TBC1D2: variants seen among roughly 807,000 people sequenced by gnomAD.
TBC1D2 encodes TBC1 domain family member 2, also known as TBC1 domain family member 2A.
Under a neutral mutation model 91.1 loss-of-function variants are expected in TBC1D2, and 58 were observed. The ratio of observed to expected loss-of-function variants is 0.64; its 90% CI spans 0.52 to 0.79. The LOEUF is 0.79. Among genes scored for constraint, TBC1D2 ranks in the 30% least tolerant of loss-of-function variants. The probability of loss-of-function intolerance (pLI) is 0.00; values close to 1 mark genes in which losing one functional copy is unlikely to be tolerated. For missense variants in TBC1D2, 1,080 were observed against 1,208.3 expected (o/e 0.89, Z 1.57); for synonymous variants, 482 against 511.5 (o/e 0.94, Z 0.78).
intron 2 of TBC1D2, among the ~76,000 whole-genome samples, chr9:98,251,111 C>T (rs1829864953): frequency 6.6e-6 from 1 of 151,892 alleles, no homozygotes; most frequent in Admixed American, 6.6e-5. Context: ...ATGGTGAAAC[C>T]CCATCTCTAC....
chr9:98,242,932 C>T (rs1829681750), intron 3 of TBC1D2, among the ~76,000 whole-genome samples: 1 of 149,728 alleles, frequency 6.7e-6, no homozygotes, highest in Non-Finnish European at 1.5e-5. Flanking sequence ...GCACATGCCA[C>T]TATGCCTGGC....
At chr9:98,236,129 T>C (rs953470732) in intron 3 of TBC1D2, among the ~76,000 whole-genome samples, 1 of 152,106 alleles carries the variant, frequency 6.6e-6, no homozygotes, top group Admixed American at 6.6e-5. Context: ...TTAAACTGTA[T>C]AGAGCTTTTT....
intron 4 of TBC1D2, 159 bp from the exon 5 acceptor site, chr9:98,229,307 A>G: frequency 3.1e-6 from 2 of 651,660 alleles, no homozygotes; most frequent in East Asian, 5.5e-5. Context: ...GGGCTTGAGA[A>G]TATGCACTTC....
chr9:98,216,027 G>A (rs538402008), intron 6 of TBC1D2, among the ~76,000 whole-genome samples: 14 of 152,268 alleles, frequency 9.2e-5, no homozygotes, highest in Admixed American at 2.0e-4. Flanking sequence ...GCCATGTACC[G>A]GCACCGCCTG....
At chr9:98,230,913 G>C (rs1829352081) in intron 4 of TBC1D2, among the ~76,000 whole-genome samples, 1 of 152,196 alleles carries the variant, frequency 6.6e-6, no homozygotes, top group African/African-American at 2.4e-5. Flanking sequence ...GTGCCTTGCT[G>C]AGTGCAAAAC....
intron 8 of TBC1D2, 103 bp downstream of exon 8, chr9:98,210,553 G>T: frequency 8.9e-7 from 1 of 1,120,712 alleles, no homozygotes; most frequent in Non-Finnish European, 1.2e-6. Context: ...AGGAGGTAGT[G>T]CTGTGTAGGA....
At chr9:98,235,571 A>G in intron 3 of TBC1D2, 1 of 456,318 alleles carries the variant, frequency 2.2e-6, no homozygotes, top group Non-Finnish European at 4.3e-6. Flanking sequence ...AAGCTGAAGC[A>G]TCTCCTGAAG....
chr9:98,236,578 T>C (rs1344361868), intron 3 of TBC1D2, among the ~76,000 whole-genome samples: 1 of 152,204 alleles, frequency 6.6e-6, no homozygotes, highest in African/African-American at 2.4e-5. Flanking sequence ...CATTTCATTA[T>C]AGAGTCCAGT....
chr9:98,229,286 G>T, intron 4 of TBC1D2, 138 bp from the exon 5 acceptor site: 1 of 739,730 alleles, frequency 1.4e-6, no homozygotes, highest in Non-Finnish European at 2.2e-6. Flanking sequence ...GGATTTAATA[G>T]GTCTGGGGCA....
intron 3 of TBC1D2, among the ~76,000 whole-genome samples, chr9:98,236,464 C>G (rs1829507904): frequency 6.6e-6 from 1 of 152,110 alleles, no homozygotes; most frequent in Non-Finnish European, 1.5e-5. Flanking sequence ...TTCAGGTGAT[C>G]CACCCGCCTT....
intron 5 of TBC1D2, among the ~76,000 whole-genome samples, chr9:98,227,462 A>T (rs1588049073): frequency 6.6e-6 from 1 of 152,152 alleles, no homozygotes; most frequent in Admixed American, 6.5e-5. Flanking sequence ...TTGCTTCACT[A>T]AATGTAACTC....
intron 3 of TBC1D2, among the ~76,000 whole-genome samples, chr9:98,240,562 G>A (rs1829614283): frequency 6.6e-6 from 1 of 152,234 alleles, no homozygotes; most frequent in Non-Finnish European, 1.5e-5. Flanking sequence ...CAAGTCACAT[G>A]AGTTGGAGAG....
At chr9:98,223,803 A>G (rs1245131670) in intron 5 of TBC1D2, among the ~76,000 whole-genome samples, 1 of 152,238 alleles carries the variant, frequency 6.6e-6, no homozygotes, top group African/African-American at 2.4e-5. Flanking sequence ...ACCAGGGCAG[A>G]GGGAGGGAGC....
chr9:98,200,444 C>A lies in TBC1D2; in HGVS notation c.2458-70G>T, dbSNP rs182575433. On this transcript the variant is annotated intron_variant, in intron 11 of 12. Transcript: ENST00000465784. Reference sequence around the variant, plus strand: ...CAGGTCATCCCCGGAGGGAGGGAACCTGACAGACTTGGGCAGTATGGAAGA... The same window carrying A: ...CAGGTCATCCCCGGAGGGAGGGAACATGACAGACTTGGGCAGTATGGAAGA... 1.2e-3 allele frequency: 1,715 copies of A among 1,490,142 alleles called. 6 individuals carry two copies. Among genetic ancestry groups the A allele is most frequent in the Middle Eastern group, 5.7e-3 (33 of 5,794 alleles). The allele number at this position is 1,490,142 out of a possible 1,614,324, so 92.3% of individuals were successfully genotyped here.
Position 98,208,784 on chromosome 9 carries a change from G to C in TBC1D2, c.2034C>G (p.Phe678Leu), listed in dbSNP as rs775341977. 7.6e-6 allele frequency: 12 copies of C among 1,587,262 alleles called. No homozygotes were observed. Among genetic ancestry groups the C allele is most frequent in the African/African-American group, 1.3e-5 (1 of 74,540 alleles). ...GGCAGGTGAAGTGTTTGTTGTTGGG[G>C]AAGGTCCGGTTCAGGTCCAGCTCAA... ...RQIELDLNRT[F>L]PNNKHFTCPT... The change falls in exon 9 of 13, where the codon TTC becomes TTG. Residue 678 changes from phenylalanine (F) to leucine (L), a missense_variant. Phe to Leu is a conservative substitution (Grantham distance 22). Transcript: ENST00000465784.
intron 3 of TBC1D2, chr9:98,235,310 G>T: frequency 2.5e-6 from 1 of 404,546 alleles, no homozygotes; most frequent in Non-Finnish European, 4.9e-6. Context: ...AGATGGTGCA[G>T]ATCGTGAGAA....
intron 9 of TBC1D2, among the ~76,000 whole-genome samples, chr9:98,206,268 C>G (rs1289516114): frequency 6.6e-6 from 1 of 152,236 alleles, no homozygotes; most frequent in Non-Finnish European, 1.5e-5. Flanking sequence ...TTACAAGTAA[C>G]TTTCTGTTTT....
chr9:98,200,104 C>T, intron 12 of TBC1D2, 149 bp downstream of exon 12: 2 of 1,216,558 alleles, frequency 1.6e-6, no homozygotes, highest in South Asian at 1.5e-5. Context: ...ATCACTCAGA[C>T]AGTCAGACTT....
intron 6 of TBC1D2, among the ~76,000 whole-genome samples, chr9:98,217,858 C>T (rs1588041338): frequency 6.6e-6 from 1 of 151,990 alleles, no homozygotes. Flanking sequence ...AGGACTATGG[C>T]GGGTGCCTTC....
Sources: allele counts gnomAD v4.1 joint callset (sites outside exome capture counted in the v4.1 genomes callset), GRCh38; gene constraint gnomAD v4.1.1; transcripts MANE v1.5; gene names NCBI Gene and HGNC (gene_info 2026-07-23, HGNC 2026-07-21).